SHISA9: variants seen among roughly 807,000 people sequenced by gnomAD.
SHISA9 encodes protein shisa-9.
A neutral mutation model predicts 38.0 loss-of-function variants in SHISA9; 13 were observed. The observed-to-expected ratio is 0.34, with a 90% CI of 0.22 to 0.54. The LOEUF is 0.54. Ranked by LOEUF, SHISA9 falls within the 20% of genes least tolerant of loss-of-function variation. The pLI is 0.91. For missense variants in SHISA9, 538 were observed against 575.8 expected, an observed-to-expected ratio of 0.93 and a Z score of 0.67; for synonymous variants, 275 against 242.0, an observed-to-expected ratio of 1.14 and a Z score of -1.27.
the SHISA9 span, among the ~76,000 whole-genome samples, chr16:13,343,996 A>G: frequency 6.6e-6 from 1 of 152,200 alleles, no homozygotes; most frequent in African/African-American, 2.4e-5. Flanking sequence ...TCAGCTTAGC[A>G]AATGGGTCCA....
chr16:13,050,027 G>A (rs1345422406), intron 2 of SHISA9, among the ~76,000 whole-genome samples: 4 of 152,280 alleles, frequency 2.6e-5, no homozygotes, highest in Admixed American at 6.5e-5. Flanking sequence ...TCTTGGAGGT[G>A]TCAAACTAAA....
At chr16:13,292,180 G>C in the SHISA9 span, among the ~76,000 whole-genome samples, 1 of 151,892 alleles carries the variant, frequency 6.6e-6, no homozygotes, top group Non-Finnish European at 1.5e-5. Context: ...GATGACCCAA[G>C]ACCCTTGTTT....
At chr16:12,956,451 T>C (rs116185879) in intron 2 of SHISA9, among the ~76,000 whole-genome samples, 4,330 of 152,272 alleles carry the variant, frequency 0.028, 181 homozygotes, top group African/African-American at 0.097. Flanking sequence ...GCACTACTCA[T>C]AATAGCAATC....
intron 1 of SHISA9, chr16:12,908,722 TA>T (rs2071139174): frequency 6.8e-7 from 1 of 1,460,174 alleles, no homozygotes; most frequent in Admixed American, 2.4e-5. Flanking sequence ...GAAGCTACCG[TA>T]AGATGAAGTC....
chr16:13,248,972 T>C, the SHISA9 span, among the ~76,000 whole-genome samples: 39,901 of 152,086 alleles, frequency 0.26, 6,147 homozygotes, highest in African/African-American at 0.43. Flanking sequence ...TATGTGCCTA[T>C]GAGTCGAGTC....
chr16:13,469,425 A>AAAGAAAGAGAAAGAAAGAAAG, the SHISA9 span, among the ~76,000 whole-genome samples: 1 of 117,302 alleles, frequency 8.5e-6, no homozygotes, highest in African/African-American at 3.2e-5. Flanking sequence ...AAGAAAGAAA[A>AAAGAAAGAGAAAGAAAGAAAG]AGAAAGAAAG....
the SHISA9 span, among the ~76,000 whole-genome samples, chr16:13,385,770 A>C: frequency 6.7e-6 from 1 of 150,282 alleles, no homozygotes; most frequent in Non-Finnish European, 1.5e-5. Context: ...CTCAGCAAAG[A>C]AAAGGAACAA....
chr16:13,018,441 C>T (rs999933977), intron 2 of SHISA9, among the ~76,000 whole-genome samples: 1 of 152,210 alleles, frequency 6.6e-6, no homozygotes, highest in African/African-American at 2.4e-5. Context: ...GTCTACCCCA[C>T]CTGCTAGCAT....
At chr16:13,095,536 T>C (rs574814198) in intron 2 of SHISA9, among the ~76,000 whole-genome samples, 111 of 152,336 alleles carry the variant, frequency 7.3e-4, no homozygotes, top group African/African-American at 2.5e-3. Flanking sequence ...AGAACTGTTC[T>C]AGCTCCCATG....
chr16:12,925,072 A>G (rs763652491), intron 2 of SHISA9, among the ~76,000 whole-genome samples: 3 of 152,232 alleles, frequency 2.0e-5, no homozygotes, highest in Non-Finnish European at 2.9e-5. Flanking sequence ...TTAGGGGACA[A>G]TGATACAAAT....
intron 2 of SHISA9, among the ~76,000 whole-genome samples, chr16:13,061,031 T>A (rs1351447687): frequency 6.6e-6 from 1 of 152,188 alleles, no homozygotes; most frequent in Non-Finnish European, 1.5e-5. Flanking sequence ...GGGGACCTTG[T>A]GGTCCCAATG....
At chr16:13,352,915 T>G in the SHISA9 span, among the ~76,000 whole-genome samples, 2 of 152,094 alleles carry the variant, frequency 1.3e-5, no homozygotes, top group African/African-American at 2.4e-5. Flanking sequence ...TGGTGGAATG[T>G]CATCAGTTAA....
At chr16:13,281,040 C>T in the SHISA9 span, among the ~76,000 whole-genome samples, 1 of 151,710 alleles carries the variant, frequency 6.6e-6, no homozygotes, top group Non-Finnish European at 1.5e-5. Context: ...TTTTAATATG[C>T]CATGTAGATA....
At chr16:13,458,586 C>T in the SHISA9 span, 2 of 401,324 alleles carry the variant, frequency 5.0e-6, no homozygotes, top group Non-Finnish European at 9.9e-6. Context: ...AAGAGATACC[C>T]AGACTTAGAA....
At chr16:13,250,334 G>T in the SHISA9 span, among the ~76,000 whole-genome samples, 1 of 152,134 alleles carries the variant, frequency 6.6e-6, no homozygotes, top group Non-Finnish European at 1.5e-5. Flanking sequence ...TGAGTGGGCA[G>T]TCCTGAGGAG....
the SHISA9 span, among the ~76,000 whole-genome samples, chr16:13,278,444 T>C: frequency 6.6e-6 from 1 of 151,890 alleles, no homozygotes; most frequent in South Asian, 2.1e-4. Flanking sequence ...ATGAATTTGG[T>C]AGGGTTCCTT....
At chr16:13,269,183 C>A in the SHISA9 span, among the ~76,000 whole-genome samples, 6 of 152,112 alleles carry the variant, frequency 3.9e-5, no homozygotes, top group Admixed American at 6.5e-5. Flanking sequence ...TGTTTGAAAG[C>A]AAAACACTGT....
the SHISA9 span, among the ~76,000 whole-genome samples, chr16:13,487,403 A>G: frequency 6.6e-6 from 1 of 152,232 alleles, no homozygotes; most frequent in African/African-American, 2.4e-5. Context: ...GAAGCTTACA[A>G]TCATGGCAGA....
At chr16:13,342,432 C>T in the SHISA9 span, among the ~76,000 whole-genome samples, 2 of 152,126 alleles carry the variant, frequency 1.3e-5, no homozygotes, top group Non-Finnish European at 2.9e-5. Flanking sequence ...GGATTACAGG[C>T]ATGTGCCACC....
Sources: gnomAD v4.1 joint callset for allele counts (sites outside exome capture counted in the v4.1 genomes callset) on GRCh38, gnomAD v4.1.1 for gene constraint, MANE v1.5 for transcripts, NCBI Gene and HGNC (gene_info 2026-07-23, HGNC 2026-07-21) for gene names.